ST6GALNAC2: variants seen among roughly 807,000 people sequenced by gnomAD.
ST6GALNAC2 encodes the protein alpha-N-acetylgalactosaminide alpha-2,6-sialyltransferase 2.
ST6GALNAC2 carries 42 observed loss-of-function variants against 38.7 expected under a neutral mutation model. The observed-to-expected ratio is 1.09, with a 90% CI of 0.85 to 1.40. The LOEUF is 1.40. ST6GALNAC2 is among the 40% of genes most tolerant of loss of function. ST6GALNAC2 has a pLI of 0.00. For synonymous variants in ST6GALNAC2, 233 were observed against 209.0 expected (o/e 1.11, Z -0.99); for missense variants, 506 against 481.7 (o/e 1.05, Z -0.47).
Position 76,570,602 on chromosome 17 carries a change from C to T in ST6GALNAC2, c.736G>A (p.Gly246Ser), listed in dbSNP as rs1598247724. The change falls in exon 6 of 9, where the codon GGC (glycine) becomes AGC (serine). Residue 246 changes from glycine to serine, a missense_variant. Coordinates refer to ENST00000225276, the MANE Select transcript of ST6GALNAC2 (RefSeq NM_006456.3). The part of the protein sequence containing the change: ...DYVMLRSAIL[G>S]VPVPEGLDKG... ...TCTAGGCCCTCAGGGACAGGCACGC[C>T]CAGAATGGCCGATCTCAGCATCACA... The T allele has an allele frequency of 6.2e-7, 1 of 1,613,216 alleles. No individual in the cohort carries two copies. The highest frequency in any genetic ancestry group is 2.2e-5 in the East Asian group (1 of 44,878).
At chr17:76,567,581 A>G in intron 7 of ST6GALNAC2, 29 bp from the exon 8 acceptor site, 1 of 1,468,128 alleles carries the variant, frequency 6.8e-7, no homozygotes, top group Non-Finnish European at 9.5e-7. Context: ...ATTTCAGCTC[A>G]CTAGCTTGAT....
intron 1 of ST6GALNAC2, among the ~76,000 whole-genome samples, chr17:76,585,401 A>T (rs2075533472): frequency 6.6e-6 from 1 of 152,160 alleles, no homozygotes; most frequent in Admixed American, 6.5e-5. Flanking sequence ...GCCGGGGAGG[A>T]CTTCACCAAC....
Position 76,565,868 on chromosome 17 carries a change from A to T in ST6GALNAC2, c.*236T>A. The T allele has an allele frequency of 2.2e-6, 1 of 460,604 alleles. No homozygotes were observed. The highest frequency in any genetic ancestry group is 3.8e-6 in the Non-Finnish European group (1 of 260,692). 28.5% of individuals were successfully genotyped at this position (460,604 alleles called of 1,614,324 possible). On this transcript the variant is annotated 3_prime_UTR_variant, in exon 9 of 9. Coordinates refer to ENST00000225276, the MANE Select transcript of ST6GALNAC2 (RefSeq NM_006456.3). ...CAGTGCCAATCCAGCAAAGCAGTCC[A>T]TTTTCCCTTGGCCAAGATTGAGATG...
At position 76,570,634 on chromosome 17, in the gene ST6GALNAC2, C is replaced by G. The variant is rs778556001; in HGVS notation, c.704G>C (p.Arg235Pro). ...GGCCGATCTCAGCATCACATAGTCG[C>G]GGATGTCTGAGGGGATGAAGATATA... ...LQYIFIPSDI[R>P]DYVMLRSAIL... Residue 235 changes from arginine to proline, a missense_variant, in exon 6 of 9, where the codon CGC becomes CCC. Transcript: ENST00000225276. 1.9e-6 allele frequency: 3 copies of G among 1,613,142 alleles called. No individual in the cohort carries two copies. The highest frequency in any genetic ancestry group is 1.1e-5 in the South Asian group (1 of 90,844).
chr17:76,566,058 T>C lies in ST6GALNAC2; in HGVS notation c.*46A>G, dbSNP rs1262514635. 6.3e-7 allele frequency: 1 copy of C among 1,578,566 alleles called. No homozygotes were observed. The highest frequency in any genetic ancestry group is 8.6e-7 in the Non-Finnish European group (1 of 1,161,370). ...AAAAGCTTTTGGCCACTTGAGAGGATCAGGGCCGCAACTCTTGAAGAAGCA... is the reference window on the plus strand; with the variant it reads ...AAAAGCTTTTGGCCACTTGAGAGGACCAGGGCCGCAACTCTTGAAGAAGCA... On this transcript the variant is annotated 3_prime_UTR_variant, in exon 9 of 9. Transcript: ENST00000225276.
intron 1 of ST6GALNAC2, 112 bp from the exon 2 acceptor site, chr17:76,578,928 C>T (rs2075446942): frequency 1.2e-6 from 1 of 854,548 alleles, no homozygotes; most frequent in African/African-American, 1.7e-5. Flanking sequence ...CTGTCTGTGC[C>T]CATCGTGGTG....
At position 76,573,160 on chromosome 17, in the gene ST6GALNAC2, C is replaced by CCCA; in HGVS notation, c.530+34_530+35insTGG. The stretch of plus-strand genomic sequence containing the variant: ...ACACCCCCACCCTCCAGGCAACTCT[C>CCCA]CCTCCCGCCCCTCCCCAGCTCCTAC... On this transcript the variant is annotated intron_variant, in intron 4 of 8. Transcript: ENST00000225276. The surrounding 1 kb of genome is among the most constrained non-coding windows in gnomAD (Gnocchi z 5.1). 4 of 1,127,670 alleles carry CCCA rather than the reference C, an allele frequency of 3.5e-6. No homozygotes were observed. The highest frequency in any genetic ancestry group is 5.3e-6 in the Non-Finnish European group (4 of 757,722). 69.9% of individuals were successfully genotyped at this position (1,127,670 alleles called of 1,614,324 possible).
intron 2 of ST6GALNAC2, among the ~76,000 whole-genome samples, chr17:76,577,709 A>C (rs1567932722): frequency 6.6e-6 from 1 of 150,984 alleles, no homozygotes; most frequent in African/African-American, 2.4e-5. Context: ...AGTAGCTGGG[A>C]TTACAGGAGC....
chr17:76,573,137 A>AC lies in ST6GALNAC2; in HGVS notation c.530+57dup. ...ATAGCCCACTGCCCCTGGGGGAGAC[A>AC]CCCCCACCCTCCAGGCAACTCTCCC... On this transcript the variant is annotated intron_variant, in intron 4 of 8. Transcript: ENST00000225276. This position sits in a 1 kb window ranked among gnomAD's most constrained non-coding sequence, Gnocchi z 5.1. 6.6e-7 allele frequency: 1 copy of AC among 1,510,570 alleles called. No individual in the cohort carries two copies. The highest frequency in any genetic ancestry group is 9.0e-7 in the Non-Finnish European group (1 of 1,115,680). 93.6% of individuals were successfully genotyped at this position (1,510,570 alleles called of 1,614,324 possible).
chr17:76,565,998 CTG>C lies in ST6GALNAC2; in HGVS notation c.*104_*105del, dbSNP rs2075275649. ...AATCTTGAATTCACCCCAGTGCCCT[CTG>C]TTGGCAAGGGAAGGTGAAGATTGAA... On this transcript the variant is annotated 3_prime_UTR_variant, in exon 9 of 9. Coordinates refer to ENST00000225276, the MANE Select transcript of ST6GALNAC2 (RefSeq NM_006456.3). 1 of 1,227,540 alleles carries C rather than the reference CTG, an allele frequency of 8.1e-7. No individual in the cohort carries two copies. Among genetic ancestry groups the C allele is most frequent in the Non-Finnish European group, 1.1e-6 (1 of 890,134 alleles). 76.0% of individuals were successfully genotyped at this position (1,227,540 alleles called of 1,614,324 possible).
intron 1 of ST6GALNAC2, among the ~76,000 whole-genome samples, chr17:76,579,509 A>G (rs2075452667): frequency 6.6e-6 from 1 of 152,190 alleles, no homozygotes; most frequent in African/African-American, 2.4e-5. Context: ...GGTCACGCCC[A>G]CCACTCCTGA....
Position 76,566,103 on chromosome 17 carries a change from G to A in ST6GALNAC2, c.*1C>T. 1.9e-6 allele frequency: 3 copies of A among 1,613,672 alleles called. No homozygotes were observed. Among genetic ancestry groups the A allele is most frequent in the Non-Finnish European group, 8.5e-7 (1 of 1,179,766 alleles). ...GAAGCAAAGGGCTCAGTGCATTGGG[G>A]TCAGCGCTGGTACAGCTGAAGGATG... On this transcript the variant is annotated 3_prime_UTR_variant, in exon 9 of 9. Coordinates refer to ENST00000225276, the MANE Select transcript of ST6GALNAC2 (RefSeq NM_006456.3).
intron 7 of ST6GALNAC2, 80 bp downstream of exon 7, chr17:76,568,633 G>T: frequency 7.1e-7 from 1 of 1,407,808 alleles, no homozygotes; most frequent in Non-Finnish European, 1.0e-6. Context: ...GGGCTCGTGC[G>T]AGGGCGCTGA....
chr17:76,567,425 T>G, intron 8 of ST6GALNAC2, 28 bp downstream of exon 8: 1 of 1,535,524 alleles, frequency 6.5e-7, no homozygotes. Flanking sequence ...TCTGCCGGCA[T>G]GGGCTTCTGG....
At chr17:76,577,328 A>G (rs2075429102) in intron 2 of ST6GALNAC2, among the ~76,000 whole-genome samples, 1 of 151,420 alleles carries the variant, frequency 6.6e-6, no homozygotes, top group Non-Finnish European at 1.5e-5. Context: ...TCGGCCTCCC[A>G]AAAGTGCTGG....
Position 76,585,743 on chromosome 17 carries a change from G to C in ST6GALNAC2, c.66C>G (p.Leu22=). 1 of 1,547,814 alleles carries C rather than the reference G, an allele frequency of 6.5e-7. No individual in the cohort carries two copies. The highest frequency in any genetic ancestry group is 8.7e-7 in the Non-Finnish European group (1 of 1,149,038). The change falls in exon 1 of 9, where the codon CTC becomes CTG. Residue 22 remains leucine, a synonymous_variant. Transcript: ENST00000225276. The stretch of plus-strand genomic sequence containing the variant: ...CCGCCGAGAAGTACAGGGCAAAGAG[G>C]AGCCCCGAGCAGGCAGCCGTGAGCA... The part of the protein sequence containing the change: ...LLLLTAACSG[L]LFALYFSAVQ...
At position 76,578,808 on chromosome 17, in the gene ST6GALNAC2, G is replaced by A. The variant is rs749969505; in HGVS notation, c.134C>T (p.Thr45Ile). The change falls in exon 2 of 9, where the codon ACA becomes ATA. Residue 45 changes from threonine (T) to isoleucine (I), a missense_variant. Physicochemically the swap from Thr to Ile is moderately conservative, Grantham distance 89 (BLOSUM62 -1). Transcript: ENST00000225276. ...GGATTGAAAGAATGCTTCAAATGAT[G>A]TGGTGTCCCTGGGGGAAAAAGCAGA... is the stretch of plus-strand genomic sequence containing the variant. The part of the protein sequence containing the change: ...PGPAAGARDT[T>I]SFEAFFQSKA... 5.0e-6 allele frequency: 8 copies of A among 1,613,578 alleles called. No individual in the cohort carries two copies. Among genetic ancestry groups the A allele is most frequent in the Admixed American group, 1.7e-5 (1 of 59,926 alleles).
rs1450635927 is a variant in ST6GALNAC2, at chr17:76,574,398, C to T, written c.328G>A (p.Ala110Thr). 15 of 1,613,626 alleles carry T rather than the reference C, an allele frequency of 9.3e-6. No individual in the cohort carries two copies. The highest frequency in any genetic ancestry group is 1.2e-5 in the Non-Finnish European group (14 of 1,179,862). The change falls in exon 3 of 9, where the codon GCC becomes ACC. Residue 110 changes from alanine (A) to threonine (T), a missense_variant. Transcript: ENST00000225276. The part of the protein sequence containing the change: ...ALWDRLSQHK[A>T]PYGWRGLSHQ... ...GAGAGCCCCCGCCAGCCATACGGGG[C>T]TTTGTGTTGGCTCAGGCGGTCCCAG...
At chr17:76,580,063 T>C (rs1598260749) in intron 1 of ST6GALNAC2, among the ~76,000 whole-genome samples, 1 of 152,180 alleles carries the variant, frequency 6.6e-6, no homozygotes, top group Admixed American at 6.5e-5. Flanking sequence ...GGGATAATCA[T>C]ATTGAGCTCC....
Sources: allele counts gnomAD v4.1 joint callset (sites outside exome capture counted in the v4.1 genomes callset), GRCh38; gene constraint gnomAD v4.1.1; non-coding constraint Gnocchi (gnomAD v3.1); transcripts MANE v1.5; gene names NCBI Gene and HGNC (gene_info 2026-07-23, HGNC 2026-07-21).